PGAP4: variants seen among roughly 807,000 people sequenced by gnomAD.
PGAP4 encodes the protein post-GPI attachment to proteins GalNAc transferase 4, also known as GPI-N-acetylgalactosamine transferase PGAP4.
Under a neutral mutation model 28.2 loss-of-function variants are expected in PGAP4, and 12 were observed. The observed-to-expected ratio is 0.42, with a 90% CI of 0.27 to 0.69. The LOEUF (loss-of-function observed/expected upper bound fraction) is 0.69, where lower values mean the gene tolerates loss of function less well. Among genes scored for constraint, PGAP4 ranks in the 30% least tolerant of loss-of-function variants. The pLI is 0.22. For missense variants in PGAP4, 425 were observed against 513.5 expected (o/e 0.83, Z 1.67); for synonymous variants, 205 against 211.8 (o/e 0.97, Z 0.28).
intron 2 of PGAP4, among the ~76,000 whole-genome samples, chr9:101,522,421 A>C (rs183887440): frequency 2.6e-5 from 4 of 152,190 alleles, no homozygotes; most frequent in Non-Finnish European, 1.5e-5. Context: ...TATGTTTAAG[A>C]TTGTGATATT....
At chr9:101,510,129 A>T (rs574827214) in intron 2 of PGAP4, among the ~76,000 whole-genome samples, 1 of 152,314 alleles carries the variant, frequency 6.6e-6, no homozygotes, top group South Asian at 2.1e-4. Context: ...GTTGTGCCTC[A>T]GTATCCTCTG....
At chr9:101,514,152 A>G (rs1157598939) in intron 2 of PGAP4, among the ~76,000 whole-genome samples, 1 of 152,126 alleles carries the variant, frequency 6.6e-6, no homozygotes, top group Non-Finnish European at 1.5e-5. Flanking sequence ...AGGTAATGCT[A>G]TACCAGTTCT....
In PGAP4 at chr9:101,493,768, C is replaced by T. The variant is rs148057074; in HGVS notation, c.-164-4568G>A. On this transcript the variant is annotated intron_variant, in intron 2 of 3. Transcript: ENST00000374851. ...GTTAGCAGTTTGGTGAACTTTTGTACAGTCCATATCTTAGGCATGAGGCTT... is the reference window on the plus strand; with the variant it reads ...GTTAGCAGTTTGGTGAACTTTTGTATAGTCCATATCTTAGGCATGAGGCTT... 7.8e-4 allele frequency among the ~76,000 whole-genome samples: 119 copies of T among 152,210 alleles called. 1 individual carries two copies. The highest frequency in any genetic ancestry group is 2.7e-3 in the African/African-American group (112 of 41,546).
At chr9:101,489,713 T>C (rs745712416), upstream of PGAP4, among the ~76,000 whole-genome samples, 4 of 152,142 alleles carry the variant, frequency 2.6e-5, no homozygotes, top group Non-Finnish European at 5.9e-5. Flanking sequence ...AAGAGAGCCC[T>C]TGATGCAATC....
rs77117462 is a variant in PGAP4 at position 101,498,614 on chromosome 9, G to A, written c.-164-9414C>T. Among the ~76,000 whole-genome samples the A allele has an allele frequency of 3.2e-3, 479 of 151,798 alleles. 1 individual carries two copies. The highest frequency in any genetic ancestry group is 0.011 in the African/African-American group (463 of 41,414). ...TAAAGTAGGAAGAAAAAAATAGAGA[G>A]ACATAGAACTTAAAATACTACATGT... On this transcript the variant is annotated intron_variant, in intron 2 of 3. Transcript: ENST00000374851.
rs112497412 is a variant in PGAP4 at position 101,524,583 on chromosome 9, C to G, written c.-165+6765G>C. Among the ~76,000 whole-genome samples the G allele has an allele frequency of 1.6e-3, 238 of 152,278 alleles. 2 individuals carry two copies. Among genetic ancestry groups the G allele is most frequent in the African/African-American group, 5.2e-3 (214 of 41,538 alleles). On this transcript the variant is annotated intron_variant, in intron 2 of 3. Transcript: ENST00000374851. ...GCCCCTGCTCCTCTGTCTACTCTCC[C>G]GATGGATCCCTGTGGTGCCAGCCAG... is the stretch of plus-strand genomic sequence containing the variant.
chr9:101,533,120 A>G (rs982656466), exon 1 of PGAP4: 3 of 152,222 alleles, frequency 2.0e-5, no homozygotes, highest in African/African-American at 4.8e-5. Context: ...ATGCTTAATT[A>G]GCTTAAAATA....
chr9:101,487,631 T>G (rs540227907), upstream of PGAP4, among the ~76,000 whole-genome samples: 1 of 152,186 alleles, frequency 6.6e-6, no homozygotes, highest in African/African-American at 2.4e-5. Context: ...CCCTTCTGAA[T>G]GGGTTTTCAG....
chr9:101,502,693 T>A (rs1184248168), intron 2 of PGAP4, among the ~76,000 whole-genome samples: 2 of 152,024 alleles, frequency 1.3e-5, no homozygotes, highest in East Asian at 3.9e-4. Context: ...GCTTGGGATG[T>A]CCCTTGCTCT....
chr9:101,523,546 C>G (rs576010662), intron 2 of PGAP4, among the ~76,000 whole-genome samples: 3 of 120,738 alleles, frequency 2.5e-5, no homozygotes, highest in Non-Finnish European at 5.0e-5. Flanking sequence ...TCCAAAGTTT[C>G]CTGAATTTTT....
chr9:101,479,632 G>C (rs1469654779), intron 1 of PGAP4, among the ~76,000 whole-genome samples: 1 of 152,186 alleles, frequency 6.6e-6, no homozygotes, highest in Non-Finnish European at 1.5e-5. Context: ...CTGACAATCA[G>C]GAAAAGAGAG....
intron 2 of PGAP4, among the ~76,000 whole-genome samples, chr9:101,524,363 G>A (rs1374529064): frequency 6.6e-6 from 1 of 152,042 alleles, no homozygotes; most frequent in Non-Finnish European, 1.5e-5. Context: ...TTTCCAGGTG[G>A]AGGGCTATAT....
At chr9:101,531,933 C>T (rs1372838527) in intron 1 of PGAP4, among the ~76,000 whole-genome samples, 1 of 152,188 alleles carries the variant, frequency 6.6e-6, no homozygotes, top group Non-Finnish European at 1.5e-5. Context: ...TTATGGTAAA[C>T]AAGAATAACA....
intron 2 of PGAP4, among the ~76,000 whole-genome samples, chr9:101,513,957 G>A (rs1360392519): frequency 6.6e-6 from 1 of 152,106 alleles, no homozygotes; most frequent in Non-Finnish European, 1.5e-5. Flanking sequence ...TCCAAGGGCA[G>A]GAGGAGACTG....
chr9:101,490,378 TG>T (rs1826675336), upstream of PGAP4, among the ~76,000 whole-genome samples: 1 of 151,964 alleles, frequency 6.6e-6, no homozygotes, highest in Non-Finnish European at 1.5e-5. Context: ...TTAGTAGAGC[TG>T]GGGTTTCACC....
upstream of PGAP4, among the ~76,000 whole-genome samples, chr9:101,491,187 T>C (rs1221740207): frequency 6.6e-6 from 1 of 152,178 alleles, no homozygotes; most frequent in East Asian, 1.9e-4. Context: ...GGTACGCTTA[T>C]TCTGTAAGTT....
intron 2 of PGAP4, among the ~76,000 whole-genome samples, chr9:101,527,100 C>T (rs1827041435): frequency 6.6e-6 from 1 of 152,196 alleles, no homozygotes; most frequent in African/African-American, 2.4e-5. Context: ...GAAGTTGTGA[C>T]AGTGAGAAGA....
At chr9:101,522,351 A>G (rs192495110) in intron 2 of PGAP4, among the ~76,000 whole-genome samples, 87 of 152,092 alleles carry the variant, frequency 5.7e-4, no homozygotes, top group Admixed American at 3.1e-3. Flanking sequence ...TGTGTGTTTC[A>G]TTTCTTAGGT....
rs142975571 is a variant in PGAP4, at chr9:101,507,487, C to T, written c.-164-18287G>A. On this transcript the variant is annotated intron_variant, in intron 2 of 3. Transcript: ENST00000374851. ...GTTGGATATTGCTGTCTGTGAGTCC[C>T]TAATATTTTCCTATTAACATTTATG... is the stretch of plus-strand genomic sequence containing the variant. Among the ~76,000 whole-genome samples the T allele has an allele frequency of 2.2e-3, 338 of 152,162 alleles. 1 individual carries two copies. Among genetic ancestry groups the T allele is most frequent in the African/African-American group, 7.8e-3 (322 of 41,524 alleles).
Sources: gnomAD v4.1 joint callset for allele counts (sites outside exome capture counted in the v4.1 genomes callset) on GRCh38, gnomAD v4.1.1 for gene constraint, MANE v1.5 for transcripts, NCBI Gene and HGNC (gene_info 2026-07-23, HGNC 2026-07-21) for gene names.